Variants in CHN2 observed in about 807,000 individuals in gnomAD.
The protein encoded by CHN2 is chimerin 2, also known as beta-chimaerin.
In CHN2, 35 loss-of-function variants were observed where a neutral mutation model predicts 56.3. The ratio of observed to expected loss-of-function variants is 0.62; its 90% confidence interval spans 0.47 to 0.82. The LOEUF (loss-of-function observed/expected upper bound fraction) is 0.82. Among genes scored for constraint, CHN2 ranks in the 40% least tolerant of loss-of-function variants. CHN2 has a pLI of 0.00. For missense variants in CHN2, 491 were observed against 580.5 expected, an observed-to-expected ratio of 0.85 and a Z score of 1.58; for synonymous variants, 210 against 212.8, an observed-to-expected ratio of 0.99 and a Z score of 0.12.
At chr7:29,310,442 T>A (rs537402946) in intron 1 of CHN2, among the ~76,000 whole-genome samples, 2 of 152,368 alleles carry the variant, frequency 1.3e-5, no homozygotes, top group East Asian at 1.9e-4. Context: ...AATATAAAGA[T>A]TGAAACGGGA....
At chr7:29,350,678 C>T (rs546350009) in intron 1 of CHN2, among the ~76,000 whole-genome samples, 24 of 152,246 alleles carry the variant, frequency 1.6e-4, no homozygotes, top group Admixed American at 3.3e-4. Context: ...GACAACAGCA[C>T]GGGCTCACCT....
At chr7:29,347,648 C>T (rs1355806164) in intron 1 of CHN2, among the ~76,000 whole-genome samples, 1 of 152,180 alleles carries the variant, frequency 6.6e-6, no homozygotes, top group African/African-American at 2.4e-5. Flanking sequence ...CCTCCCTCAA[C>T]ACGTAAGGAT....
At chr7:29,387,610 A>G (rs1279986821) in intron 3 of CHN2, among the ~76,000 whole-genome samples, 2 of 152,226 alleles carry the variant, frequency 1.3e-5, no homozygotes, top group Non-Finnish European at 2.9e-5. Flanking sequence ...GATGATGCCA[A>G]TACTGCTGGC....
chr7:29,326,243 C>T (rs537840950), intron 1 of CHN2, among the ~76,000 whole-genome samples: 6 of 152,262 alleles, frequency 3.9e-5, no homozygotes, highest in East Asian at 1.9e-4. Context: ...CAGCAACCTC[C>T]GCTTCCTGGG....
At position 29,398,607 on chromosome 7, in the gene CHN2, A is replaced by G. The variant is rs569554757; in HGVS notation, c.290+121A>G. ...AAAATTCATCATTTTTCCCATGTTTATGTTATGAGGGGGGGGTCCCACTCT... is the reference window on the plus strand; with the variant it reads ...AAAATTCATCATTTTTCCCATGTTTGTGTTATGAGGGGGGGGTCCCACTCT... On this transcript the variant is annotated intron_variant, in intron 5 of 12. Coordinates refer to ENST00000222792, the MANE Select transcript of CHN2 (RefSeq NM_004067.4). The G allele has an allele frequency of 5.5e-4, 363 of 656,808 alleles. 3 individuals are homozygous for G. In the South Asian group the frequency reaches 6.3e-3, roughly 11 times the overall value. The allele number at this position is 656,808 out of a possible 1,614,324, so 40.7% of individuals were successfully genotyped here.
At chr7:29,500,874 A>C (rs1377677327) in intron 9 of CHN2, among the ~76,000 whole-genome samples, 1 of 152,200 alleles carries the variant, frequency 6.6e-6, no homozygotes, top group African/African-American at 2.4e-5. Flanking sequence ...ATTCCAAAAA[A>C]TGTTCTTTAT....
At chr7:29,362,801 T>C (rs1798846186) in intron 2 of CHN2, among the ~76,000 whole-genome samples, 1 of 152,218 alleles carries the variant, frequency 6.6e-6, no homozygotes, top group African/African-American at 2.4e-5. Flanking sequence ...CCTCTTCCCC[T>C]ATTAAAGTAC....
chr7:29,263,794 C>T (rs959055922), intron 1 of CHN2, among the ~76,000 whole-genome samples: 6 of 151,148 alleles, frequency 4.0e-5, no homozygotes, highest in Non-Finnish European at 5.9e-5. Context: ...TGCCCGGCTG[C>T]GACCCCGTCT....
upstream of CHN2, among the ~76,000 whole-genome samples, chr7:29,190,278 A>T (rs147113377): frequency 1.1e-3 from 174 of 152,348 alleles, 1 homozygote; most frequent in African/African-American, 3.9e-3. Flanking sequence ...TTGCCATAAA[A>T]TATTTAAAGC....
chr7:29,433,482 G>A (rs189895205), intron 6 of CHN2, among the ~76,000 whole-genome samples: 11 of 152,252 alleles, frequency 7.2e-5, no homozygotes, highest in Admixed American at 1.3e-4. Context: ...GAAATGAGAC[G>A]TACAGGAATA....
intron 6 of CHN2, among the ~76,000 whole-genome samples, chr7:29,427,544 T>C (rs1804987683): frequency 6.6e-6 from 1 of 152,210 alleles, no homozygotes; most frequent in Non-Finnish European, 1.5e-5. Flanking sequence ...TTCCATAGTC[T>C]TTGGTAACTG....
chr7:29,501,783 T>C (rs1005378986), intron 9 of CHN2, among the ~76,000 whole-genome samples: 2 of 152,170 alleles, frequency 1.3e-5, no homozygotes, highest in African/African-American at 4.8e-5. Context: ...TTCCCTGTCT[T>C]CCATCCATAA....
At chr7:29,289,484 C>A (rs1368694825) in intron 1 of CHN2, among the ~76,000 whole-genome samples, 1 of 152,008 alleles carries the variant, frequency 6.6e-6, no homozygotes, top group African/African-American at 2.4e-5. Context: ...ATGAGTAAGC[C>A]GACGGGAGAG....
At chr7:29,488,375 G>A (rs1260915468) in intron 7 of CHN2, among the ~76,000 whole-genome samples, 1 of 152,166 alleles carries the variant, frequency 6.6e-6, no homozygotes, top group Non-Finnish European at 1.5e-5. Flanking sequence ...TGGAAGCCTT[G>A]ACTGTGCTGC....
At chr7:29,509,529 C>A in intron 12 of CHN2, 123 bp downstream of exon 12, 1 of 685,106 alleles carries the variant, frequency 1.5e-6, no homozygotes, top group Non-Finnish European at 2.5e-6. Context: ...GGAACCACTC[C>A]AGGCACTTTC....
chr7:29,245,436 G>C (rs1441622435), intron 1 of CHN2, among the ~76,000 whole-genome samples: 2 of 152,138 alleles, frequency 1.3e-5, no homozygotes, highest in African/African-American at 2.4e-5. Flanking sequence ...GGCAAAACAA[G>C]GTGGTAGGTA....
chr7:29,500,794 C>T (rs558289880), intron 9 of CHN2, among the ~76,000 whole-genome samples: 10 of 152,020 alleles, frequency 6.6e-5, no homozygotes, highest in South Asian at 2.1e-4. Flanking sequence ...TCGTTTATTT[C>T]GAAGAGGAGA....
At chr7:29,296,229 G>A (rs1407278012) in intron 1 of CHN2, among the ~76,000 whole-genome samples, 1 of 151,158 alleles carries the variant, frequency 6.6e-6, no homozygotes, top group Non-Finnish European at 1.5e-5. Flanking sequence ...GATTACAGGC[G>A]CCCACCACCA....
chr7:29,436,274 A>G (rs565437481), intron 6 of CHN2, among the ~76,000 whole-genome samples: 55 of 152,344 alleles, frequency 3.6e-4, no homozygotes, highest in South Asian at 1.0e-3. Flanking sequence ...CGCTTTGACC[A>G]GTAAGACTAG....
Sources: allele counts gnomAD v4.1 joint callset (sites outside exome capture counted in the v4.1 genomes callset), GRCh38; gene constraint gnomAD v4.1.1; transcripts MANE v1.5; gene names NCBI Gene and HGNC (gene_info 2026-07-23, HGNC 2026-07-21).